The following SGCZ variants were observed in gnomAD, a reference collection of about 807,000 sequenced individuals.
SGCZ encodes zeta-sarcoglycan.
A neutral mutation model predicts 41.3 loss-of-function variants in SGCZ; 40 were observed. That is an observed-to-expected ratio of 0.97 (90% CI 0.75 to 1.26). The LOEUF is 1.26. Among genes scored for constraint, SGCZ ranks in the 50% most tolerant of loss-of-function variants. SGCZ has a pLI of 0.00. For synonymous variants in SGCZ, 206 were observed against 137.5 expected (o/e 1.50, Z -3.49); for missense variants, 552 against 369.8 (o/e 1.49, Z -4.04).
At chr8:15,137,772 A>C (rs2116988665) in intron 1 of SGCZ, among the ~76,000 whole-genome samples, 1 of 152,340 alleles carries the variant, frequency 6.6e-6, no homozygotes, top group East Asian at 1.9e-4. Flanking sequence ...TCCAGGCAGA[A>C]GTTTGCTGCA....
chr8:14,933,443 T>TC (rs1381455552), intron 1 of SGCZ, among the ~76,000 whole-genome samples: 1 of 147,394 alleles, frequency 6.8e-6, no homozygotes, highest in Admixed American at 6.8e-5. Flanking sequence ...TTTTTTTTTT[T>TC]TTTTTGGAGA....
chr8:14,442,337 T>G (rs1413994084), intron 2 of SGCZ, among the ~76,000 whole-genome samples: 1 of 152,212 alleles, frequency 6.6e-6, no homozygotes, highest in Admixed American at 6.5e-5. Flanking sequence ...CACACTCTCT[T>G]GCCTGCTGCC....
intron 5 of SGCZ, among the ~76,000 whole-genome samples, chr8:14,143,476 G>T (rs1471243117): frequency 1.3e-5 from 2 of 152,128 alleles, no homozygotes; most frequent in Non-Finnish European, 2.9e-5. Context: ...AAAGTCAGAA[G>T]GTCAGAGGAT....
At chr8:15,065,538 A>T (rs140520314) in intron 1 of SGCZ, among the ~76,000 whole-genome samples, 62 of 151,580 alleles carry the variant, frequency 4.1e-4, no homozygotes, top group Admixed American at 5.3e-4. Context: ...TCCACCTCCT[A>T]GGCTCAAGCC....
chr8:15,111,155 A>G (rs1386950657), intron 1 of SGCZ, among the ~76,000 whole-genome samples: 2 of 152,048 alleles, frequency 1.3e-5, no homozygotes, highest in Non-Finnish European at 2.9e-5. Context: ...GGGAATTCAC[A>G]CTATTTTCAT....
chr8:14,316,439 C>T (rs1277301275), intron 3 of SGCZ, among the ~76,000 whole-genome samples: 1 of 151,766 alleles, frequency 6.6e-6, no homozygotes, highest in African/African-American at 2.4e-5. Flanking sequence ...ATCTTGATAT[C>T]TACAAATATG....
intron 5 of SGCZ, among the ~76,000 whole-genome samples, chr8:14,155,352 C>G (rs1401333638): frequency 6.6e-6 from 1 of 152,004 alleles, no homozygotes; most frequent in Admixed American, 6.5e-5. Flanking sequence ...TCTCTTTGGC[C>G]CATGACTGGT....
At chr8:15,112,016 A>C (rs1040898446) in intron 1 of SGCZ, among the ~76,000 whole-genome samples, 11 of 151,980 alleles carry the variant, frequency 7.2e-5, no homozygotes, top group Non-Finnish European at 1.6e-4. Context: ...GACATACCAC[A>C]CTCAAGGCCT....
chr8:15,209,894 G>C (rs1460828562), intron 1 of SGCZ, among the ~76,000 whole-genome samples: 2 of 152,124 alleles, frequency 1.3e-5, no homozygotes, highest in Non-Finnish European at 2.9e-5. Context: ...CCAAGTCATA[G>C]GTTTAGTTAT....
intron 1 of SGCZ, among the ~76,000 whole-genome samples, chr8:14,677,951 T>G (rs952853407): frequency 6.6e-6 from 1 of 152,068 alleles, no homozygotes; most frequent in Non-Finnish European, 1.5e-5. Flanking sequence ...GGTGAAATAA[T>G]AGACAAACAG....
At chr8:14,499,598 C>T (rs1252870389) in intron 2 of SGCZ, among the ~76,000 whole-genome samples, 2 of 152,008 alleles carry the variant, frequency 1.3e-5, no homozygotes, top group Non-Finnish European at 2.9e-5. Context: ...GCTAGGCAGC[C>T]TTCCTCCTTT....
intron 1 of SGCZ, among the ~76,000 whole-genome samples, chr8:14,903,724 T>C (rs897604188): frequency 2.6e-5 from 4 of 152,024 alleles, no homozygotes; most frequent in African/African-American, 9.7e-5. Flanking sequence ...TTAAGAGCAG[T>C]GTATAGGGAC....
intron 1 of SGCZ, among the ~76,000 whole-genome samples, chr8:14,632,727 G>C (rs1249313163): frequency 6.6e-6 from 1 of 151,938 alleles, no homozygotes; most frequent in African/African-American, 2.4e-5. Flanking sequence ...AGTGAAACTT[G>C]ATTTGCTTTT....
At position 14,699,170 on chromosome 8, in the gene SGCZ, T is replaced by G. The variant is rs542703090; in HGVS notation, c.40-144244A>C. ...AGTAACAACAGAGGGTATATAAATA[T>G]GTATATACACACACATATATACACA... On this transcript the variant is annotated intron_variant, in intron 1 of 7. Coordinates refer to ENST00000382080, the MANE Select transcript of SGCZ (RefSeq NM_139167.4). Among the ~76,000 whole-genome samples the G allele has an allele frequency of 2.7e-4, 41 of 150,802 alleles. No homozygotes were observed. In the South Asian group the frequency reaches 5.6e-3, roughly 21 times the overall value.
At chr8:14,702,877 A>G (rs1241139532) in intron 1 of SGCZ, among the ~76,000 whole-genome samples, 2 of 144,398 alleles carry the variant, frequency 1.4e-5, no homozygotes, top group African/African-American at 5.2e-5. Context: ...AGATAGATAG[A>G]TAGATAAAAA....
At chr8:15,071,090 T>C (rs1002816088) in intron 1 of SGCZ, among the ~76,000 whole-genome samples, 2 of 152,040 alleles carry the variant, frequency 1.3e-5, no homozygotes, top group Admixed American at 6.6e-5. Flanking sequence ...AAGAGAAACA[T>C]TTTTTTAGAA....
At chr8:14,395,661 T>A (rs1798896328) in intron 2 of SGCZ, among the ~76,000 whole-genome samples, 1 of 152,196 alleles carries the variant, frequency 6.6e-6, no homozygotes, top group Non-Finnish European at 1.5e-5. Flanking sequence ...TGGGAATCAA[T>A]ACTCTAAAAT....
rs542493470 is a variant in SGCZ at position 15,067,196 on chromosome 8, C to G, written c.39+170389G>C. The stretch of plus-strand genomic sequence containing the variant: ...ATTTCCATATAGGATCCTCTTTCAT[C>G]ACAAAACCCATATCCTCCGGCTTGC... On this transcript the variant is annotated intron_variant, in intron 1 of 7. Coordinates refer to ENST00000382080, the MANE Select transcript of SGCZ (RefSeq NM_139167.4). 2.0e-5 allele frequency among the ~76,000 whole-genome samples: 3 copies of G among 152,162 alleles called. No individual in the cohort carries two copies. The South Asian group carries it at 6.2e-4, about 32-fold the overall frequency.
At chr8:14,102,799 CT>C (rs1210523352) in intron 6 of SGCZ, among the ~76,000 whole-genome samples, 1 of 152,046 alleles carries the variant, frequency 6.6e-6, no homozygotes, top group East Asian at 1.9e-4. Context: ...CCTCAGAATG[CT>C]CATGAAAAGT....
Sources: allele counts gnomAD v4.1 joint callset (sites outside exome capture counted in the v4.1 genomes callset), GRCh38; gene constraint gnomAD v4.1.1; transcripts MANE v1.5; gene names NCBI Gene and HGNC (gene_info 2026-07-23, HGNC 2026-07-21).